The following POLQ variants were observed in gnomAD, a reference collection of about 807,000 sequenced individuals.
The protein encoded by POLQ is DNA polymerase theta.
POLQ carries 233 observed loss-of-function variants against 259.2 expected under a neutral mutation model. The observed-to-expected ratio is 0.90, with a 90% CI of 0.81 to 1.00. The LOEUF is 1.00. Ranked by LOEUF, POLQ falls within the 50% of genes least tolerant of loss-of-function variation. The pLI is 0.00. For missense variants in POLQ, 2,871 were observed against 3,051.6 expected, an observed-to-expected ratio of 0.94 and a Z score of 1.39; for synonymous variants, 1,025 against 1,048.8, an observed-to-expected ratio of 0.98 and a Z score of 0.44.
chr3:121,469,543 C>G (rs1296550938), intron 22 of POLQ, among the ~76,000 whole-genome samples: 1 of 152,082 alleles, frequency 6.6e-6, no homozygotes, highest in Non-Finnish European at 1.5e-5. Context: ...TAATGATAAC[C>G]TTTAACATAA....
rs114903786 is a variant in POLQ at position 121,500,480 on chromosome 3, A to C, written c.1960-1810T>G. Among the ~76,000 whole-genome samples the C allele has an allele frequency of 8.1e-3, 1,230 of 152,302 alleles. 15 individuals are homozygous for C. Among genetic ancestry groups the C allele is most frequent in the African/African-American group, 0.028 (1,167 of 41,554 alleles). ...AGATCAACAGTATATCCAAGCTGGC[A>C]TAAGAAAGAATCAGCAAACATGAAT... is the stretch of plus-strand genomic sequence containing the variant. On this transcript the variant is annotated intron_variant, in intron 12 of 29. Coordinates refer to ENST00000264233, the MANE Select transcript of POLQ (RefSeq NM_199420.4).
intron 15 of POLQ, among the ~76,000 whole-genome samples, chr3:121,492,630 C>G (rs2048077807): frequency 6.6e-6 from 1 of 151,422 alleles, no homozygotes; most frequent in African/African-American, 2.4e-5. Flanking sequence ...CAAACTTTTG[C>G]TCAGTACTTT....
Position 121,488,380 on chromosome 3 carries a change from T to C in POLQ, c.4551A>G (p.Val1517=). The part of the protein sequence containing the change: ...MQMKEPLPSE[V]TSNHFSDSLC... ...GAGAATCACTAAAATGGTTTGATGT[T>C]ACTTCTGAAGGAAGGGGTTCTTTCA... Residue 1517 remains valine (V), a synonymous_variant, in exon 16 of 30, where the codon GTA becomes GTG. Coordinates refer to ENST00000264233, the MANE Select transcript of POLQ (RefSeq NM_199420.4). 1 of 1,612,910 alleles carries C rather than the reference T, an allele frequency of 6.2e-7. No individual in the cohort carries two copies. The highest frequency in any genetic ancestry group is 8.5e-7 in the Non-Finnish European group (1 of 1,178,960).
chr3:121,471,738 A>T (rs2047885339), intron 22 of POLQ, among the ~76,000 whole-genome samples: 1 of 152,144 alleles, frequency 6.6e-6, no homozygotes, highest in Non-Finnish European at 1.5e-5. Context: ...CAGCCTGGCC[A>T]ACAAGAGTGA....
chr3:121,498,259 G>A (rs370346065), intron 13 of POLQ, among the ~76,000 whole-genome samples: 2 of 151,954 alleles, frequency 1.3e-5, no homozygotes, highest in African/African-American at 4.8e-5. Flanking sequence ...GCGGTGAGCT[G>A]AGATCGCGCT....
In POLQ at chr3:121,481,766, T is replaced by A; in HGVS notation, c.6017A>T (p.His2006Leu). Residue 2006 changes from histidine to leucine, a missense_variant, in exon 19 of 30, where the codon CAT becomes CTT. This residue lies in a region of POLQ where 2,080 missense variants were observed against 2,126.0 expected (regional missense o/e 0.98). Transcript: ENST00000264233. ...LDPDSQEPTL[H>L]SIVTSFLPHE... is the part of the protein sequence containing the mutation. ...AGGAAGAAAACTGGTAACTATGCTA[T>A]GAAGAGTCGGCTCCTGAGAATCTGG... is the stretch of plus-strand genomic sequence containing the variant. 1 of 1,613,620 alleles carries A rather than the reference T, an allele frequency of 6.2e-7. No homozygotes were observed. The highest frequency in any genetic ancestry group is 8.5e-7 in the Non-Finnish European group (1 of 1,179,596).
intron 26 of POLQ, among the ~76,000 whole-genome samples, chr3:121,446,281 C>T (rs547765315): frequency 6.6e-6 from 1 of 152,140 alleles, no homozygotes; most frequent in East Asian, 1.9e-4. Flanking sequence ...TAGTTTTATT[C>T]CATTATGGTC....
At chr3:121,473,302 A>G in intron 21 of POLQ, 48 bp downstream of exon 21, 4 of 1,495,708 alleles carry the variant, frequency 2.7e-6, no homozygotes, top group Non-Finnish European at 3.6e-6. Context: ...CCAAAATGTT[A>G]AAAGTAGTTT....
chr3:121,487,938 A>C lies in POLQ; in HGVS notation c.4993T>G (p.Phe1665Val). ...GTATTTTTTCTATTCAAACTGGAAAAGTTTATAGTCATTGATTTTAGCTTT... is the reference window on the plus strand; with the variant it reads ...GTATTTTTTCTATTCAAACTGGAAACGTTTATAGTCATTGATTTTAGCTTT... Reference protein sequence around the residue: ...NEKLKSMTINFSSLNRKNTEL... With the variant: ...NEKLKSMTINVSSLNRKNTEL... The change falls in exon 16 of 30, where the codon TTT becomes GTT. Residue 1665 changes from phenylalanine to valine, a missense_variant. Physicochemically the swap from Phe to Val is conservative, Grantham distance 50. Transcript: ENST00000264233. 2 of 1,602,480 alleles carry C rather than the reference A, an allele frequency of 1.2e-6. No individual in the cohort carries two copies. The highest frequency in any genetic ancestry group is 1.7e-6 in the Non-Finnish European group (2 of 1,176,624).
intron 15 of POLQ, among the ~76,000 whole-genome samples, chr3:121,490,731 T>TA (rs925950191): frequency 5.9e-5 from 9 of 152,074 alleles, no homozygotes; most frequent in African/African-American, 2.2e-4. Flanking sequence ...TAGAAGCCTT[T>TA]AAAAAAGTGA....
At chr3:121,460,003 G>T in intron 25 of POLQ, 47 bp downstream of exon 25, 1 of 1,403,310 alleles carries the variant, frequency 7.1e-7, no homozygotes, top group Admixed American at 1.9e-5. Context: ...TTTTTTTTGA[G>T]TCACTAAATT....
In POLQ at chr3:121,532,918, G is replaced by A. The variant is rs944693397; in HGVS notation, c.960+72C>T. The A allele has an allele frequency of 4.2e-6, 4 of 958,592 alleles. No individual in the cohort carries two copies. The African/African-American group carries it at 4.9e-5, about 12-fold the overall frequency. The allele number at this position is 958,592 out of a possible 1,614,324, so 59.4% of individuals were successfully genotyped here. On this transcript the variant is annotated intron_variant, in intron 6 of 29. Transcript: ENST00000264233. ...CTCCCAATTACATCATTCAGAATTT[G>A]TTAGCAATTTGCTAGAAAATGAAAT... is the stretch of plus-strand genomic sequence containing the variant.
chr3:121,444,446 C>T (rs1313334273), intron 26 of POLQ, among the ~76,000 whole-genome samples: 1 of 152,012 alleles, frequency 6.6e-6, no homozygotes, highest in East Asian at 1.9e-4. Context: ...GATCTTGTAT[C>T]CTGCAACTAT....
chr3:121,527,201 C>T (rs974976541), intron 7 of POLQ, among the ~76,000 whole-genome samples: 2 of 152,136 alleles, frequency 1.3e-5, no homozygotes, highest in African/African-American at 2.4e-5. Flanking sequence ...GCTGGGACTA[C>T]AGGTATGCCC....
At chr3:121,539,245 A>G (rs1291898668) in intron 4 of POLQ, among the ~76,000 whole-genome samples, 188 bp downstream of exon 4, 1 of 152,208 alleles carries the variant, frequency 6.6e-6, no homozygotes, top group African/African-American at 2.4e-5. Flanking sequence ...TAACGGAGTC[A>G]ATAACAGCAG....
At position 121,488,606 on chromosome 3, in the gene POLQ, A is replaced by C. The variant is rs768810820; in HGVS notation, c.4325T>G (p.Leu1442Ter). ...TTGATAACCTTGAAGAAAACTATTT[A>C]ATTGTGAATCAGTAACAGAAACTTC... ...KNEVSVTDSQLNSFLQGYQTQ... is the reference protein window; with the variant it reads ...KNEVSVTDSQ Residue 1442 changes from leucine (L) to a stop codon, truncating the protein, a stop_gained, in exon 16 of 30, where the codon TTA becomes TGA. Transcript: ENST00000264233. LOFTEE classifies it high-confidence loss of function. 1.0e-5 allele frequency: 16 copies of C among 1,606,614 alleles called. No individual in the cohort carries two copies. In the Admixed American group the frequency reaches 2.4e-4, roughly 24 times the overall value.
chr3:121,476,609 T>C lies in POLQ; in HGVS notation c.6336A>G (p.Ala2112=), dbSNP rs2047928069. 6.2e-7 allele frequency: 1 copy of C among 1,614,040 alleles called. No homozygotes were observed. Among genetic ancestry groups the C allele is most frequent in the Non-Finnish European group, 8.5e-7 (1 of 1,179,942 alleles). The part of the protein sequence containing the change: ...QKHIMQAKLD[A]IETQAYQLAG... ...CTAGTTGATAGGCCTGGGTCTCAAT[T>C]GCATCCAGCTTGGCTTGCATTATAT... Residue 2112 remains alanine, a synonymous_variant, in exon 20 of 30, where the codon GCA becomes GCG. Coordinates refer to ENST00000264233, the MANE Select transcript of POLQ (RefSeq NM_199420.4).
intron 26 of POLQ, 142 bp from the exon 27 acceptor site, chr3:121,440,258 C>A: frequency 1.7e-6 from 1 of 571,966 alleles, no homozygotes; most frequent in South Asian, 2.7e-5. Context: ...GGCATGCGAA[C>A]TTTCATTCAC....
In POLQ at chr3:121,490,196, G is replaced by A. The variant is rs1320400898; in HGVS notation, c.2735C>T (p.Thr912Ile). The A allele has an allele frequency of 2.5e-6, 4 of 1,613,632 alleles. No individual in the cohort carries two copies. The African/African-American group carries it at 4.0e-5, about 16-fold the overall frequency. Residue 912 changes from threonine to isoleucine, a missense_variant, in exon 16 of 30, where the codon ACT (threonine) becomes ATT (isoleucine). By Grantham distance (89) the Thr-to-Ile change is moderately conservative. Transcript: ENST00000264233. ...TTCCTTTACTTCGGACTCACTATGA[G>A]TCAATGAGCATGTACTAGAATGTAA... is the stretch of plus-strand genomic sequence containing the variant. The part of the protein sequence containing the change: ...ALLHSSTCSL[T>I]HSESEVKEHT...
Sources: gnomAD v4.1 joint callset for allele counts (sites outside exome capture counted in the v4.1 genomes callset) on GRCh38, gnomAD v4.1.1 for gene constraint, gnomAD v4.1.1 regional missense constraint, MANE v1.5 for transcripts, NCBI Gene and HGNC (gene_info 2026-07-23, HGNC 2026-07-21) for gene names.